HS3ST4: variants seen among roughly 807,000 people sequenced by gnomAD.
HS3ST4 encodes the protein heparan sulfate glucosamine 3-O-sulfotransferase 4.
In HS3ST4, 17 loss-of-function variants were observed where a neutral mutation model predicts 29.2. The observed-to-expected ratio is 0.58, with a 90% CI of 0.40 to 0.87. The LOEUF (loss-of-function observed/expected upper bound fraction) is 0.87, where lower values mean the gene tolerates loss of function less well. Among genes scored for constraint, HS3ST4 ranks in the 40% least tolerant of loss-of-function variants. The probability of loss-of-function intolerance (pLI) is 0.00; values close to 1 mark genes in which losing one functional copy is unlikely to be tolerated. For missense variants in HS3ST4, 627 were observed against 634.5 expected (o/e 0.99, Z 0.13); for synonymous variants, 314 against 285.7 (o/e 1.10, Z -1.00).
intron 1 of HS3ST4, among the ~76,000 whole-genome samples, chr16:25,970,720 G>T (rs1258445990): frequency 6.6e-6 from 1 of 152,012 alleles, no homozygotes; most frequent in Non-Finnish European, 1.5e-5. Flanking sequence ...ACACTTGCTT[G>T]TTGTCTAGGT....
At chr16:25,844,416 A>C (rs1161676535) in intron 1 of HS3ST4, among the ~76,000 whole-genome samples, 2 of 152,194 alleles carry the variant, frequency 1.3e-5, no homozygotes, top group African/African-American at 4.8e-5. Context: ...CCAGTTTTCT[A>C]TATTAGTCCT....
chr16:25,936,982 A>G (rs937646105), intron 1 of HS3ST4, among the ~76,000 whole-genome samples: 1 of 152,300 alleles, frequency 6.6e-6, no homozygotes, highest in East Asian at 1.9e-4. Context: ...GCATTAGAAG[A>G]CTGTAGACAT....
rs550232809 is a variant in HS3ST4, at chr16:26,062,996, G to C, written c.735-72616G>C. 5.6e-4 allele frequency: 92 copies of C among 163,550 alleles called. 1 individual carries two copies. Among genetic ancestry groups the C allele is most frequent in the Admixed American group, 1.6e-3 (25 of 16,072 alleles). 10.1% of individuals were successfully genotyped at this position (163,550 alleles called of 1,614,324 possible). A position where few individuals can be genotyped will look rare whatever the true frequency, so the allele number is the denominator to read the frequency against. ...ACTGTTACTTGCAATATTTTTTCTT[G>C]AGATATTTCTGGAAGCATATGCCTT... On this transcript the variant is annotated intron_variant, in intron 1 of 1. Coordinates refer to ENST00000331351, the MANE Select transcript of HS3ST4 (RefSeq NM_006040.3).
At chr16:25,960,974 T>C (rs1449154315) in intron 1 of HS3ST4, among the ~76,000 whole-genome samples, 1 of 152,182 alleles carries the variant, frequency 6.6e-6, no homozygotes, top group African/African-American at 2.4e-5. Flanking sequence ...CTGGAGCATT[T>C]GAACTATTGC....
At chr16:25,764,952 C>T (rs1377129935) in intron 1 of HS3ST4, among the ~76,000 whole-genome samples, 17 of 152,148 alleles carry the variant, frequency 1.1e-4, no homozygotes, top group Non-Finnish European at 2.5e-4. Context: ...CTAGCCATTT[C>T]CTTTACCTGG....
chr16:25,927,085 TA>T lies in HS3ST4; in HGVS notation c.735-208525del, dbSNP rs201642812. On this transcript the variant is annotated intron_variant, in intron 1 of 1. Coordinates refer to ENST00000331351, the MANE Select transcript of HS3ST4 (RefSeq NM_006040.3). ...CTAAAAGAAAAAAAAAAGAATACTT[TA>T]AGGTCTTTGACTAACTTAGTGTGAA... Among the ~76,000 whole-genome samples the T allele has an allele frequency of 6.8e-4, 104 of 152,316 alleles. 1 individual carries two copies. The East Asian group carries it at 0.018, about 27-fold the overall frequency.
intron 1 of HS3ST4, among the ~76,000 whole-genome samples, chr16:25,817,214 A>G (rs1166686031): frequency 6.6e-6 from 1 of 152,184 alleles, no homozygotes; most frequent in Admixed American, 6.5e-5. Flanking sequence ...GGGGCTGTTG[A>G]TAGAGTAAAA....
chr16:26,081,114 C>T (rs1342929737), intron 1 of HS3ST4, among the ~76,000 whole-genome samples: 1 of 151,960 alleles, frequency 6.6e-6, no homozygotes, highest in African/African-American at 2.4e-5. Flanking sequence ...TGGTGAGACC[C>T]CATCTCTACT....
chr16:25,814,492 G>A (rs982794760), intron 1 of HS3ST4, among the ~76,000 whole-genome samples: 8 of 152,140 alleles, frequency 5.3e-5, no homozygotes, highest in South Asian at 2.1e-4. Context: ...GATTACAGGT[G>A]CACACCACCA....
chr16:25,699,226 T>C (rs1966318679), intron 1 of HS3ST4, among the ~76,000 whole-genome samples: 1 of 152,212 alleles, frequency 6.6e-6, no homozygotes, highest in South Asian at 2.1e-4. Context: ...GTGGCCAGAA[T>C]CGTGGCTTAC....
chr16:26,015,468 G>A (rs747145913), intron 1 of HS3ST4, among the ~76,000 whole-genome samples: 5 of 152,168 alleles, frequency 3.3e-5, no homozygotes, highest in Non-Finnish European at 7.4e-5. Flanking sequence ...GCTCACCCAA[G>A]TCTCTATGTC....
chr16:26,049,295 AG>A (rs913592913), intron 1 of HS3ST4, among the ~76,000 whole-genome samples: 4 of 150,420 alleles, frequency 2.7e-5, no homozygotes, highest in Admixed American at 6.6e-5. Context: ...AGGCAAGGTG[AG>A]GGGGGAGGAA....
intron 1 of HS3ST4, among the ~76,000 whole-genome samples, chr16:26,096,497 A>G (rs9888823): frequency 1.3e-5 from 2 of 152,184 alleles, no homozygotes; most frequent in East Asian, 1.9e-4. Flanking sequence ...CAAAAACCAC[A>G]TGATTATCTC....
At chr16:25,908,241 G>T (rs115611196) in intron 1 of HS3ST4, among the ~76,000 whole-genome samples, 5,657 of 152,288 alleles carry the variant, frequency 0.037, 332 homozygotes, top group African/African-American at 0.12. Context: ...GAAACAATGA[G>T]CAGGGAGGGA....
chr16:26,134,768 A>G lies in HS3ST4; in HGVS notation c.735-844A>G, dbSNP rs76332293. ...GGGCTTCGGTTTTCTCATTTGCACAATAATACCTTTGGACCAAGTCAGGGA... is the reference window on the plus strand; with the variant it reads ...GGGCTTCGGTTTTCTCATTTGCACAGTAATACCTTTGGACCAAGTCAGGGA... On this transcript the variant is annotated intron_variant, in intron 1 of 1. Coordinates refer to ENST00000331351, the MANE Select transcript of HS3ST4 (RefSeq NM_006040.3). 4.1e-4 allele frequency among the ~76,000 whole-genome samples: 62 copies of G among 152,346 alleles called. No individual in the cohort carries two copies. The East Asian group carries it at 0.01, about 26-fold the overall frequency.
At chr16:25,847,674 G>A (rs1448790340) in intron 1 of HS3ST4, among the ~76,000 whole-genome samples, 1 of 152,094 alleles carries the variant, frequency 6.6e-6, no homozygotes, top group Non-Finnish European at 1.5e-5. Flanking sequence ...TTTCTAGATT[G>A]CTGTGAACTC....
chr16:25,936,893 G>C (rs542222559), intron 1 of HS3ST4, among the ~76,000 whole-genome samples: 2 of 152,362 alleles, frequency 1.3e-5, no homozygotes, highest in South Asian at 4.1e-4. Flanking sequence ...TTGGAAGGAA[G>C]AACGGAAATG....
chr16:25,894,738 T>C (rs1047428165), intron 1 of HS3ST4, among the ~76,000 whole-genome samples: 50 of 152,234 alleles, frequency 3.3e-4, no homozygotes, highest in African/African-American at 1.2e-3. Flanking sequence ...ACTCCGGACC[T>C]CAGGTGATCC....
At chr16:25,854,519 C>T (rs1249265203) in intron 1 of HS3ST4, among the ~76,000 whole-genome samples, 2 of 152,026 alleles carry the variant, frequency 1.3e-5, no homozygotes, top group African/African-American at 2.4e-5. Flanking sequence ...TATCCTGTGC[C>T]GACCTCCTAT....
Sources: gnomAD v4.1 joint callset for allele counts (sites outside exome capture counted in the v4.1 genomes callset) on GRCh38, gnomAD v4.1.1 for gene constraint, MANE v1.5 for transcripts, NCBI Gene and HGNC (gene_info 2026-07-23, HGNC 2026-07-21) for gene names.